Variants in RBMS1 observed in about 807,000 individuals in gnomAD.
The protein encoded by RBMS1 is RNA binding motif single stranded interacting protein 1.
RBMS1 carries 17 observed loss-of-function variants against 62.3 expected under a neutral mutation model. The observed-to-expected ratio is 0.27, with a 90% confidence interval of 0.19 to 0.41. The LOEUF (loss-of-function observed/expected upper bound fraction) is 0.41. Ranked by LOEUF, RBMS1 falls within the 10% of genes least tolerant of loss-of-function variation. The pLI, the probability that RBMS1 is intolerant of heterozygous loss-of-function variation, is 1.00. For synonymous variants in RBMS1, 172 were observed against 170.0 expected, an observed-to-expected ratio of 1.01 and a Z score of -0.09; for missense variants, 334 against 504.5, an observed-to-expected ratio of 0.66 and a Z score of 3.24.
intron 1 of RBMS1, among the ~76,000 whole-genome samples, chr2:160,369,389 C>T (rs1168223554): frequency 6.6e-6 from 1 of 152,244 alleles, no homozygotes; most frequent in Non-Finnish European, 1.5e-5. Flanking sequence ...TCTGAAGCCA[C>T]TGAGTTGCTA....
At chr2:160,328,773 T>A (rs1691094067) in intron 2 of RBMS1, among the ~76,000 whole-genome samples, 1 of 152,114 alleles carries the variant, frequency 6.6e-6, no homozygotes, top group Non-Finnish European at 1.5e-5. Flanking sequence ...GTCTCTAAAT[T>A]TGTCACTCCT....
chr2:160,394,327 T>A (rs1463266147), intron 1 of RBMS1, among the ~76,000 whole-genome samples: 1 of 152,186 alleles, frequency 6.6e-6, no homozygotes, highest in African/African-American at 2.4e-5. Context: ...ATACAGGAAC[T>A]TACACCTAGA....
intron 1 of RBMS1, among the ~76,000 whole-genome samples, chr2:160,456,861 T>C (rs796611757): frequency 3.5e-4 from 53 of 152,216 alleles, no homozygotes; most frequent in African/African-American, 1.3e-3. Flanking sequence ...TCAATACATT[T>C]TTCACAAAGT....
At chr2:160,444,157 T>C (rs950415021) in intron 1 of RBMS1, among the ~76,000 whole-genome samples, 2 of 152,220 alleles carry the variant, frequency 1.3e-5, no homozygotes, top group Admixed American at 6.5e-5. Flanking sequence ...TGTGTGCGTA[T>C]AAGAGTTAAG....
At chr2:160,468,300 A>T (rs1420434118) in intron 1 of RBMS1, among the ~76,000 whole-genome samples, 3 of 151,930 alleles carry the variant, frequency 2.0e-5, no homozygotes, top group African/African-American at 4.8e-5. Context: ...TGAAGGCACG[A>T]CCCCTGCTCA....
intron 4 of RBMS1, among the ~76,000 whole-genome samples, chr2:160,304,776 T>C (rs1244682850): frequency 1.3e-5 from 2 of 152,214 alleles, no homozygotes; most frequent in East Asian, 1.9e-4. Flanking sequence ...AAAACACACA[T>C]ACTTGACAAA....
At chr2:160,347,354 T>C (rs1301944814) in intron 2 of RBMS1, among the ~76,000 whole-genome samples, 1 of 152,110 alleles carries the variant, frequency 6.6e-6, no homozygotes, top group African/African-American at 2.4e-5. Context: ...AACACAAGAT[T>C]CTCAAACAAA....
intron 1 of RBMS1, among the ~76,000 whole-genome samples, chr2:160,449,171 C>T (rs1340995357): frequency 2.7e-5 from 4 of 150,512 alleles, no homozygotes; most frequent in South Asian, 4.2e-4. Flanking sequence ...GGAGCGTCTC[C>T]GCCGGGCAGC....
chr2:160,359,922 C>T (rs1437962484), intron 2 of RBMS1, among the ~76,000 whole-genome samples: 1 of 152,096 alleles, frequency 6.6e-6, no homozygotes, highest in East Asian at 1.9e-4. Context: ...TGTTAGTTGC[C>T]CTAATTTCTT....
intron 1 of RBMS1, among the ~76,000 whole-genome samples, chr2:160,461,897 G>A (rs1033981550): frequency 3.3e-5 from 5 of 152,272 alleles, no homozygotes; most frequent in Admixed American, 2.0e-4. Context: ...CATTTGCTTC[G>A]TTGTAAAACA....
At chr2:160,297,467 C>T (rs1012364245) in intron 6 of RBMS1, among the ~76,000 whole-genome samples, 4 of 152,170 alleles carry the variant, frequency 2.6e-5, no homozygotes, top group Non-Finnish European at 5.9e-5. Context: ...TTTGTTGTTG[C>T]ATAGTATGGC....
At chr2:160,461,450 A>G (rs1033703681) in intron 1 of RBMS1, among the ~76,000 whole-genome samples, 1 of 152,226 alleles carries the variant, frequency 6.6e-6, no homozygotes, top group African/African-American at 2.4e-5. Flanking sequence ...CTTTAATTCC[A>G]GTAAGTGGAG....
At chr2:160,488,125 TTGTG>T (rs929306872) in intron 1 of RBMS1, among the ~76,000 whole-genome samples, 2 of 152,104 alleles carry the variant, frequency 1.3e-5, no homozygotes, top group African/African-American at 4.8e-5. Context: ...GTACTCAAAT[TTGTG>T]TGTGTGTGTT....
intron 2 of RBMS1, among the ~76,000 whole-genome samples, chr2:160,327,764 C>A (rs1038156276): frequency 1.3e-5 from 2 of 152,020 alleles, no homozygotes; most frequent in African/African-American, 4.8e-5. Context: ...AAAATGAAAC[C>A]CAGAATTTTG....
intron 12 of RBMS1, 147 bp from the exon 13 acceptor site, chr2:160,275,861 A>G: frequency 8.4e-7 from 1 of 1,189,086 alleles, no homozygotes. Context: ...TTCAAGGTTA[A>G]TCATTTCCCT....
At chr2:160,450,540 C>CAAAAAAAA (rs1355990593) in intron 1 of RBMS1, among the ~76,000 whole-genome samples, 3 of 14,324 alleles carry the variant, frequency 2.1e-4, no homozygotes, top group African/African-American at 3.6e-4. Context: ...AATTCCATCT[C>CAAAAAAAA]AAAAAAAATA....
intron 1 of RBMS1, among the ~76,000 whole-genome samples, chr2:160,435,972 C>T (rs1683093388): frequency 6.6e-6 from 1 of 152,172 alleles, no homozygotes; most frequent in African/African-American, 2.4e-5. Flanking sequence ...ATCAAGTCAC[C>T]TCCATGAGTC....
At chr2:160,344,207 C>A (rs548919522) in intron 2 of RBMS1, among the ~76,000 whole-genome samples, 1 of 152,086 alleles carries the variant, frequency 6.6e-6, no homozygotes, top group African/African-American at 2.4e-5. Context: ...GTAAAACTAA[C>A]GATGCCACAT....
intron 4 of RBMS1, 109 bp from the exon 5 acceptor site, chr2:160,303,596 ACTCAGAAC>A (rs758984312): frequency 3.2e-6 from 4 of 1,245,008 alleles, no homozygotes; most frequent in South Asian, 1.5e-5. Context: ...CTTTTAAAGT[ACTCAGAAC>A]CTCAGAACAC....
Sources: allele counts gnomAD v4.1 joint callset (sites outside exome capture counted in the v4.1 genomes callset), GRCh38; gene constraint gnomAD v4.1.1; transcripts MANE v1.5; gene names NCBI Gene and HGNC (gene_info 2026-07-23, HGNC 2026-07-21).